The following IMPA2 variants were observed in gnomAD, a reference collection of about 807,000 sequenced individuals.
IMPA2 encodes IMP 2.
Under a neutral mutation model 35.1 loss-of-function variants are expected in IMPA2, and 32 were observed. The observed-to-expected ratio is 0.91, with a 90% CI of 0.69 to 1.23. IMPA2 has a LOEUF of 1.23. Ranked by LOEUF, IMPA2 falls within the 50% of genes most tolerant of loss-of-function variation. The pLI, the probability that IMPA2 is intolerant of heterozygous loss-of-function variation, is 0.00. For synonymous variants in IMPA2, 135 were observed against 160.6 expected (o/e 0.84, Z 1.20); for missense variants, 334 against 387.6 (o/e 0.86, Z 1.16).
intron 2 of IMPA2, among the ~76,000 whole-genome samples, chr18:12,003,186 ACT>A (rs1315839154): frequency 6.6e-6 from 1 of 150,520 alleles, no homozygotes; most frequent in Non-Finnish European, 1.5e-5. Flanking sequence ...CAAGAGCAAA[ACT>A]CTGTCTCAAA....
Position 12,030,353 on chromosome 18 carries a change from C to A in IMPA2, c.762C>A (p.Leu254=). 3 of 1,614,136 alleles carry A rather than the reference C, an allele frequency of 1.9e-6. No homozygotes were observed. The highest frequency in any genetic ancestry group is 2.5e-6 in the Non-Finnish European group (3 of 1,179,940). Residue 254 remains leucine, a synonymous_variant, in exon 8 of 8, where the codon CTC becomes CTA. Transcript: ENST00000269159. ...GIVIDTSGGP[L]DLMACRVVAA... is the part of the protein sequence containing the mutation. Reference sequence around the variant, plus strand: ...TCTGTCTGTCCCCAGGTGGACCCCTCGACCTCATGGCTTGCAGAGTGGTTG... The same window carrying A: ...TCTGTCTGTCCCCAGGTGGACCCCTAGACCTCATGGCTTGCAGAGTGGTTG...
intron 5 of IMPA2, among the ~76,000 whole-genome samples, chr18:12,023,039 C>T (rs1196801724): frequency 6.9e-6 from 1 of 143,980 alleles, no homozygotes; most frequent in African/African-American, 2.5e-5. Flanking sequence ...AAATGATCTA[C>T]CTGCTTTGGC....
At chr18:11,986,798 G>T (rs971234440) in intron 1 of IMPA2, among the ~76,000 whole-genome samples, 1 of 152,156 alleles carries the variant, frequency 6.6e-6, no homozygotes, top group Non-Finnish European at 1.5e-5. Context: ...GTGCTTTCTT[G>T]AGTTGTTCAT....
chr18:12,021,254 G>T (rs758743588), intron 5 of IMPA2, among the ~76,000 whole-genome samples: 1 of 152,120 alleles, frequency 6.6e-6, no homozygotes, highest in East Asian at 1.9e-4. Flanking sequence ...TTAGCTGGGT[G>T]TGGTGGTGCA....
In IMPA2 at chr18:12,014,854, C is replaced by G. The variant is rs373286708; in HGVS notation, c.490+481C>G. On this transcript the variant is annotated intron_variant, in intron 5 of 7. Transcript: ENST00000269159. ...TGAGTCATGTGAAGAGGCACCTTAG[C>G]CCCTCTGCAGTTATGGCCTGCCGTG... 1.5e-4 allele frequency among the ~76,000 whole-genome samples: 23 copies of G among 152,266 alleles called. No individual in the cohort carries two copies. The South Asian group carries it at 4.6e-3, about 30-fold the overall frequency.
rs1906676156 is a variant in IMPA2 at position 11,986,709 on chromosome 18, C to G, written c.96+4944C>G. 2.0e-5 allele frequency among the ~76,000 whole-genome samples: 3 copies of G among 152,336 alleles called. No individual in the cohort carries two copies. In the South Asian group the frequency reaches 6.2e-4, roughly 32 times the overall value. ...ACAGCAGCACCTGGCCCACACTCCT[C>G]ACCCCTTGTCCTGTGTCCGGAGTCC... On this transcript the variant is annotated intron_variant, in intron 1 of 7. Coordinates refer to ENST00000269159, the MANE Select transcript of IMPA2 (RefSeq NM_014214.3).
intron 5 of IMPA2, among the ~76,000 whole-genome samples, chr18:12,025,817 G>A (rs1050395803): frequency 9.0e-4 from 137 of 152,100 alleles, no homozygotes; most frequent in African/African-American, 3.0e-3. Context: ...TGATCCTCCC[G>A]CCTCAGCCTC....
chr18:11,996,519 A>C (rs559845423), intron 1 of IMPA2, among the ~76,000 whole-genome samples: 1 of 152,110 alleles, frequency 6.6e-6, no homozygotes, highest in Non-Finnish European at 1.5e-5. Flanking sequence ...CTGTCTTCTC[A>C]GATGGTGGTC....
At chr18:12,027,590 T>TTAA (rs1555647332) in intron 5 of IMPA2, among the ~76,000 whole-genome samples, 12 of 129,110 alleles carry the variant, frequency 9.3e-5, no homozygotes, top group African/African-American at 3.1e-4. Context: ...TTTTTTTTTT[T>TTAA]AAAGAAACAG....
intron 7 of IMPA2, 108 bp downstream of exon 7, chr18:12,029,101 AG>A: frequency 4.9e-6 from 2 of 406,060 alleles, no homozygotes; most frequent in Non-Finnish European, 8.0e-6. Flanking sequence ...CCTTCCCCAG[AG>A]TTTCTGTTTT....
chr18:12,012,067 G>A (rs1319779219), intron 3 of IMPA2, 103 bp from the exon 4 acceptor site: 2 of 982,600 alleles, frequency 2.0e-6, no homozygotes, highest in Non-Finnish European at 3.2e-6. Flanking sequence ...CACCCAGAGT[G>A]TAGGAAGGTC....
intron 7 of IMPA2, 54 bp downstream of exon 7, chr18:12,029,047 G>A (rs1306387859): frequency 1.3e-6 from 2 of 1,550,990 alleles, no homozygotes; most frequent in Non-Finnish European, 1.8e-6. Context: ...GAGAGACACT[G>A]TGGGTGGGGC....
intron 5 of IMPA2, among the ~76,000 whole-genome samples, chr18:12,015,954 C>G (rs942726413): frequency 6.6e-6 from 1 of 152,210 alleles, no homozygotes; most frequent in Non-Finnish European, 1.5e-5. Flanking sequence ...GTCCTCCCAG[C>G]CTGCAGGCTG....
At chr18:12,027,407 C>T (rs1348773778) in intron 5 of IMPA2, among the ~76,000 whole-genome samples, 1 of 152,160 alleles carries the variant, frequency 6.6e-6, no homozygotes, top group Non-Finnish European at 1.5e-5. Flanking sequence ...GCTTCCCTTT[C>T]CAAAGCAGCA....
intron 1 of IMPA2, among the ~76,000 whole-genome samples, chr18:11,998,829 G>A (rs1249209109): frequency 6.7e-6 from 1 of 149,656 alleles, no homozygotes; most frequent in South Asian, 2.1e-4. Context: ...AGTCATTAAG[G>A]CTCACTAGAA....
chr18:12,007,386 G>A (rs936997007), intron 2 of IMPA2, among the ~76,000 whole-genome samples: 7 of 152,118 alleles, frequency 4.6e-5, no homozygotes, highest in African/African-American at 1.4e-4. Context: ...GGCGCTGAGC[G>A]GTCACAGAGG....
At chr18:12,007,643 C>CTTTCTTTCTTTCTT in intron 2 of IMPA2, among the ~76,000 whole-genome samples, 1 of 93,788 alleles carries the variant, frequency 1.1e-5, no homozygotes, top group African/African-American at 6.2e-5. Context: ...TTCTTTCTTT[C>CTTTCTTTCTTTCTT]TTTCTTTCTT....
chr18:12,023,086 C>T (rs1907782503), intron 5 of IMPA2, among the ~76,000 whole-genome samples: 1 of 151,824 alleles, frequency 6.6e-6, no homozygotes, highest in African/African-American at 2.4e-5. Flanking sequence ...TGAGCCACTG[C>T]ACCCAGCCTA....
At chr18:12,022,531 AT>A (rs1568038080) in intron 5 of IMPA2, among the ~76,000 whole-genome samples, 15 of 44,762 alleles carry the variant, frequency 3.4e-4, no homozygotes, top group African/African-American at 5.8e-4. Context: ...CAAAAAGAAT[AT>A]ATATATATAT....
Sources: gnomAD v4.1 joint callset for allele counts (sites outside exome capture counted in the v4.1 genomes callset) on GRCh38, gnomAD v4.1.1 for gene constraint, MANE v1.5 for transcripts, NCBI Gene and HGNC (gene_info 2026-07-23, HGNC 2026-07-21) for gene names.